The following LRP1B variants were observed in gnomAD, a reference collection of about 807,000 sequenced individuals.
The protein encoded by LRP1B is low-density lipoprotein receptor-related protein 1B.
A neutral mutation model predicts 556.6 loss-of-function variants in LRP1B; 217 were observed. That is an observed-to-expected ratio of 0.39 (90% CI 0.35 to 0.44). The LOEUF (loss-of-function observed/expected upper bound fraction) is 0.44. Among genes scored for constraint, LRP1B ranks in the 20% least tolerant of loss-of-function variants. The pLI is 1.00. For synonymous variants in LRP1B, 2,047 were observed against 1,865.8 expected, an observed-to-expected ratio of 1.10 and a Z score of -2.50; for missense variants, 5,053 against 5,620.8, an observed-to-expected ratio of 0.90 and a Z score of 3.23.
chr2:140,553,822 A>G (rs1448953521), intron 43 of LRP1B, among the ~76,000 whole-genome samples: 1 of 152,048 alleles, frequency 6.6e-6, no homozygotes, highest in Non-Finnish European at 1.5e-5. Context: ...TAGAGAAGAG[A>G]GCCACATTGA....
chr2:140,780,924 T>G (rs2104962141), intron 32 of LRP1B, among the ~76,000 whole-genome samples: 1 of 152,282 alleles, frequency 6.6e-6, no homozygotes, highest in Non-Finnish European at 1.5e-5. Context: ...TGGAGAAAAC[T>G]AATTTCCACA....
intron 41 of LRP1B, among the ~76,000 whole-genome samples, chr2:140,686,542 T>C (rs925456698): frequency 3.3e-4 from 50 of 151,888 alleles, no homozygotes; most frequent in African/African-American, 1.1e-3. Context: ...GGTTGGATCC[T>C]GACTGGGAAG....
chr2:141,608,302 T>C (rs1234301432), intron 2 of LRP1B, among the ~76,000 whole-genome samples: 1 of 152,194 alleles, frequency 6.6e-6, no homozygotes, highest in African/African-American at 2.4e-5. Context: ...AAATTTTCCC[T>C]AGAGAAGCAT....
chr2:141,082,375 T>C (rs1016877852), intron 7 of LRP1B, among the ~76,000 whole-genome samples: 8 of 152,178 alleles, frequency 5.3e-5, no homozygotes, highest in African/African-American at 1.9e-4. Flanking sequence ...TGGGCTCTTC[T>C]CTTATTACTT....
chr2:142,005,325 C>T (rs1363258657), intron 1 of LRP1B, among the ~76,000 whole-genome samples: 1 of 151,960 alleles, frequency 6.6e-6, no homozygotes, highest in African/African-American at 2.4e-5. Context: ...AAAACTGACA[C>T]TAGCAACAGC....
intron 1 of LRP1B, among the ~76,000 whole-genome samples, chr2:141,820,734 C>G (rs1037124143): frequency 6.6e-6 from 1 of 152,174 alleles, no homozygotes; most frequent in African/African-American, 2.4e-5. Context: ...GTGTACAATT[C>G]TAGCTGGAGC....
At chr2:141,448,800 G>A (rs374851334) in intron 3 of LRP1B, among the ~76,000 whole-genome samples, 8 of 152,250 alleles carry the variant, frequency 5.3e-5, no homozygotes, top group South Asian at 4.2e-4. Flanking sequence ...CACCTTCTGC[G>A]TTCATCTTGC....
chr2:140,595,644 G>A (rs966711709), intron 43 of LRP1B, among the ~76,000 whole-genome samples: 4 of 151,898 alleles, frequency 2.6e-5, no homozygotes, highest in African/African-American at 7.3e-5. Context: ...GTTGATTTTA[G>A]CTGTCATTTG....
Position 140,951,872 on chromosome 2 carries a change from G to T in LRP1B, c.2956C>A (p.His986Asn). The change falls in exon 19 of 91, where the codon CAC becomes AAC. Residue 986 changes from histidine (H) to asparagine (N), a missense_variant. His to Asn is a moderately conservative substitution (Grantham distance 68). Around this residue, in one of 5 missense-constraint regions of LRP1B, gnomAD observed 3,619 missense variants for 3,931.9 expected, o/e 0.92. Transcript: ENST00000389484. ...ATTTGGTACTTGCCAGAGTCGCAGT[G>T]CCATTTGCTGCTAATGCATCTTCCA... is the stretch of plus-strand genomic sequence containing the variant. ...KSGRCISSKW[H>N]CDSDDDCGDG... 6.2e-7 allele frequency: 1 copy of T among 1,613,316 alleles called. No individual in the cohort carries two copies. The highest frequency in any genetic ancestry group is 8.5e-7 in the Non-Finnish European group (1 of 1,179,292).
intron 75 of LRP1B, among the ~76,000 whole-genome samples, chr2:140,353,812 CAG>C (rs149917613): frequency 0.026 from 3,913 of 152,042 alleles, 61 homozygotes; most frequent in African/African-American, 0.028. Flanking sequence ...CAATGACTGG[CAG>C]AGAACAAAGA....
intron 1 of LRP1B, among the ~76,000 whole-genome samples, chr2:141,959,631 A>G (rs1701349009): frequency 6.6e-6 from 1 of 151,984 alleles, no homozygotes; most frequent in Admixed American, 6.6e-5. Flanking sequence ...CACAGGTAAA[A>G]TTAACTTTAA....
intron 41 of LRP1B, among the ~76,000 whole-genome samples, chr2:140,615,325 C>T (rs192066259): frequency 6.6e-6 from 1 of 152,206 alleles, no homozygotes; most frequent in East Asian, 1.9e-4. Flanking sequence ...CATCATTCCC[C>T]ATTCCCTAGT....
intron 53 of LRP1B, among the ~76,000 whole-genome samples, 188 bp downstream of exon 53, chr2:140,506,608 T>G (rs1445806915): frequency 6.6e-6 from 1 of 152,238 alleles, no homozygotes; most frequent in Non-Finnish European, 1.5e-5. Context: ...CAGGTATGAT[T>G]TCCAAAGAAA....
chr2:140,629,654 T>G (rs1236013806), intron 41 of LRP1B, among the ~76,000 whole-genome samples: 5 of 152,096 alleles, frequency 3.3e-5, no homozygotes, highest in Non-Finnish European at 7.3e-5. Flanking sequence ...AAAACAAAAT[T>G]TTATGACATT....
rs1243959943 is a variant in LRP1B, at chr2:140,378,220, C to A, written c.10598G>T (p.Trp3533Leu). Residue 3533 changes from tryptophan (W) to leucine (L), a missense_variant, in exon 68 of 91, where the codon TGG (tryptophan) becomes TTG (leucine). Trp to Leu is a moderately conservative substitution (Grantham distance 61). Around this residue, in one of 5 missense-constraint regions of LRP1B, gnomAD observed 599 missense variants for 648.4 expected, o/e 0.92. Coordinates refer to ENST00000389484, the MANE Select transcript of LRP1B (RefSeq NM_018557.3). ...TGCACAGTCAAAATCTCCATCACAC[C>A]AAAACCTTGAAGAAACACAGTCCCC... Reference protein sequence around the residue: ...ANGDCVSSRFWCDGDFDCADG... With the variant: ...ANGDCVSSRFLCDGDFDCADG... 10 of 1,613,650 alleles carry A rather than the reference C, an allele frequency of 6.2e-6. No individual in the cohort carries two copies. The highest frequency in any genetic ancestry group is 3.3e-5 in the Admixed American group (2 of 59,970).
intron 1 of LRP1B, among the ~76,000 whole-genome samples, chr2:141,963,527 T>C (rs1172645007): frequency 6.6e-6 from 1 of 151,694 alleles, no homozygotes; most frequent in East Asian, 1.9e-4. Flanking sequence ...GAAAAAGCCT[T>C]TGACAAAATT....
At chr2:140,917,967 C>G (rs1347853389) in intron 21 of LRP1B, among the ~76,000 whole-genome samples, 3 of 151,980 alleles carry the variant, frequency 2.0e-5, no homozygotes, top group African/African-American at 7.3e-5. Context: ...CAGGAAGTCT[C>G]TGTACTTTCT....
intron 23 of LRP1B, among the ~76,000 whole-genome samples, chr2:140,893,757 ATATTGT>A (rs200300516): frequency 0.01 from 1,596 of 152,332 alleles, 21 homozygotes; most frequent in African/African-American, 0.032. Context: ...AATGTGAAAG[ATATTGT>A]TATTAAGTCA....
chr2:141,139,781 A>ATGTGTG lies in LRP1B; in HGVS notation c.1013+48634_1013+48639dup, dbSNP rs58413685. Among the ~76,000 whole-genome samples, 290 of 148,132 alleles carry ATGTGTG rather than the reference A, an allele frequency of 2.0e-3. 1 individual carries two copies. The highest frequency in any genetic ancestry group is 2.9e-3 in the African/African-American group (117 of 40,698). ...AAAAAAGTACAGCCACATTGGAAAAATGTGTGTGTGTGTGTGTGTGTGTGT... is the reference window on the plus strand; with the variant it reads ...AAAAAAGTACAGCCACATTGGAAAAATGTGTGTGTGTGTGTGTGTGTGTGTGTGTGT... On this transcript the variant is annotated intron_variant, in intron 7 of 90. Transcript: ENST00000389484.
Sources: gnomAD v4.1 joint callset for allele counts (sites outside exome capture counted in the v4.1 genomes callset) on GRCh38, gnomAD v4.1.1 for gene constraint, gnomAD v4.1.1 regional missense constraint, MANE v1.5 for transcripts, NCBI Gene and HGNC (gene_info 2026-07-23, HGNC 2026-07-21) for gene names.